The following NTRK2 variants were observed in gnomAD, a reference collection of about 807,000 sequenced individuals.
NTRK2 encodes BDNF/NT-3 growth factors receptor.
Under a neutral mutation model 94.5 loss-of-function variants are expected in NTRK2, and 13 were observed. That is an observed-to-expected ratio of 0.14 (90% confidence interval 0.09 to 0.22). The LOEUF (loss-of-function observed/expected upper bound fraction) is 0.22. Among genes scored for constraint, NTRK2 ranks in the 10% least tolerant of loss-of-function variants. The pLI is 1.00. For missense variants in NTRK2, 639 were observed against 1,071.2 expected (o/e 0.60, Z 5.63); for synonymous variants, 372 against 407.4 (o/e 0.91, Z 1.05).
intron 14 of NTRK2, among the ~76,000 whole-genome samples, chr9:84,888,672 C>T (rs1220810909): frequency 2.8e-5 from 4 of 141,004 alleles, no homozygotes; most frequent in Non-Finnish European, 6.0e-5. Flanking sequence ...AGACTCAAAC[C>T]CAGGTTCCCT....
At chr9:84,773,880 C>T (rs557127101) in intron 12 of NTRK2, among the ~76,000 whole-genome samples, 5 of 152,136 alleles carry the variant, frequency 3.3e-5, no homozygotes, top group Non-Finnish European at 7.3e-5. Flanking sequence ...AATCTCTCAA[C>T]TCCTCAACAT....
At chr9:84,924,287 GAAAGA>G (rs1564468927) in intron 14 of NTRK2, among the ~76,000 whole-genome samples, 1 of 144,944 alleles carries the variant, frequency 6.9e-6, no homozygotes, top group East Asian at 2.0e-4. Flanking sequence ...AAGAAAGAAA[GAAAGA>G]AAGAGGAAAA....
At chr9:84,977,637 A>G (rs1827058206) in intron 17 of NTRK2, among the ~76,000 whole-genome samples, 1 of 152,248 alleles carries the variant, frequency 6.6e-6, no homozygotes, top group African/African-American at 2.4e-5. Flanking sequence ...GTGGATAATG[A>G]GAATCAACTG....
rs115055453 is a variant in NTRK2 at position 84,778,904 on chromosome 9, A to G, written c.1396+26819A>G. Among the ~76,000 whole-genome samples the G allele has an allele frequency of 8.8e-3, 1,333 of 152,280 alleles. 20 individuals carry two copies. Among genetic ancestry groups the G allele is most frequent in the African/African-American group, 0.03 (1,266 of 41,566 alleles). ...CTCTCCCTCCTCAATGTTGAGGGATATGTGGAGAGAGCAAACTTGCTGCAC... is the reference window on the plus strand; with the variant it reads ...CTCTCCCTCCTCAATGTTGAGGGATGTGTGGAGAGAGCAAACTTGCTGCAC... On this transcript the variant is annotated intron_variant, in intron 12 of 18. Transcript: ENST00000277120.
At chr9:84,681,653 A>G (rs570368680) in intron 2 of NTRK2, among the ~76,000 whole-genome samples, 1 of 152,120 alleles carries the variant, frequency 6.6e-6, no homozygotes, top group South Asian at 2.1e-4. Context: ...AAATGCTGCA[A>G]TCGCTTCCTA....
intron 12 of NTRK2, among the ~76,000 whole-genome samples, chr9:84,799,465 C>A (rs932797832): frequency 1.3e-5 from 2 of 152,120 alleles, no homozygotes; most frequent in African/African-American, 4.8e-5. Context: ...ATGGTTATTT[C>A]AGCTCTAGGT....
At chr9:84,758,718 G>T (rs2065290118) in intron 12 of NTRK2, among the ~76,000 whole-genome samples, 1 of 152,080 alleles carries the variant, frequency 6.6e-6, no homozygotes, top group South Asian at 2.1e-4. Context: ...TTAAACTTTG[G>T]TATGAAGTAG....
At chr9:84,996,055 A>G (rs1476477194) in intron 17 of NTRK2, among the ~76,000 whole-genome samples, 1 of 152,250 alleles carries the variant, frequency 6.6e-6, no homozygotes, top group African/African-American at 2.4e-5. Context: ...GACTTAACAA[A>G]GAGCACTTTT....
rs370333970 is a variant in NTRK2 at position 84,725,880 on chromosome 9, T to C, written c.853+1524T>C. ...CAGAGTGAGGGACATAGTCACAACA[T>C]ACATGTGCAGAGTTCAGCTGCACAG... On this transcript the variant is annotated intron_variant, in intron 8 of 18. Coordinates refer to ENST00000277120, the MANE Select transcript of NTRK2 (RefSeq NM_006180.6). Among the ~76,000 whole-genome samples, 180 of 152,242 alleles carry C rather than the reference T, an allele frequency of 1.2e-3. 4 individuals are homozygous for C. Among genetic ancestry groups the C allele is most frequent in the Middle Eastern group, 6.8e-3 (2 of 294 alleles).
chr9:84,967,638 G>T (rs150690165), intron 17 of NTRK2, among the ~76,000 whole-genome samples: 166 of 152,346 alleles, frequency 1.1e-3, no homozygotes, highest in African/African-American at 3.2e-3. Flanking sequence ...CTCCTTTGAC[G>T]GCGGAGCCCA....
At position 84,955,518 on chromosome 9, in the gene NTRK2, G is replaced by A. The variant is rs2132980018; in HGVS notation, c.2172+1G>A. The A allele has an allele frequency of 6.2e-7, 1 of 1,611,688 alleles. No homozygotes were observed. The highest frequency in any genetic ancestry group is 2.2e-5 in the East Asian group (1 of 44,856). ...CGTGTACAGCACTGACTACTACAGGGTGAGTAGCTGTGCAGATCAGAGACC... is the reference window on the plus strand; with the variant it reads ...CGTGTACAGCACTGACTACTACAGGATGAGTAGCTGTGCAGATCAGAGACC... On this transcript the variant is annotated splice_donor_variant, in intron 17 of 18. Coordinates refer to ENST00000277120, the MANE Select transcript of NTRK2 (RefSeq NM_006180.6). LOFTEE classifies it high-confidence loss of function.
chr9:84,890,066 T>C (rs75039012), intron 14 of NTRK2, among the ~76,000 whole-genome samples: 1 of 152,222 alleles, frequency 6.6e-6, no homozygotes, highest in East Asian at 1.9e-4. Flanking sequence ...TGAGGATAAG[T>C]ATGCCCAACT....
In NTRK2 at chr9:84,804,541, G is replaced by C. The variant is rs188722811; in HGVS notation, c.1396+52456G>C. The stretch of plus-strand genomic sequence containing the variant: ...TTCTTGCAGATTTTATATAGTTATA[G>C]GTTGAATTGGGTAATGGATTTATAT... On this transcript the variant is annotated intron_variant, in intron 12 of 18. Transcript: ENST00000277120. Among the ~76,000 whole-genome samples the C allele has an allele frequency of 4.5e-3, 686 of 152,320 alleles. 3 individuals are homozygous for C. Among genetic ancestry groups the C allele is most frequent in the Non-Finnish European group, 7.3e-3 (499 of 68,034 alleles).
chr9:84,815,888 C>A (rs2072345267), intron 12 of NTRK2, among the ~76,000 whole-genome samples: 1 of 151,696 alleles, frequency 6.6e-6, no homozygotes, highest in Non-Finnish European at 1.5e-5. Flanking sequence ...ATAAATTATC[C>A]CCCCAAAAAG....
Position 84,955,276 on chromosome 9 carries a change from TC to T in NTRK2, c.1938-3del. On this transcript the variant is annotated splice_region_variant and splice_polypyrimidine_tract_variant and intron_variant, in intron 16 of 18. Transcript: ENST00000277120. ...CCCCCAGCTTCATTCTCCATGTCCT[TC>T]CCCAGGGCACACGGCCCTGATGCCG... is the stretch of plus-strand genomic sequence containing the variant. 1 of 1,591,206 alleles carries T rather than the reference TC, an allele frequency of 6.3e-7. No homozygotes were observed. Among genetic ancestry groups the T allele is most frequent in the Non-Finnish European group, 8.6e-7 (1 of 1,168,408 alleles).
intron 17 of NTRK2, among the ~76,000 whole-genome samples, chr9:84,986,298 A>G (rs1346341089): frequency 2.6e-5 from 4 of 152,048 alleles, no homozygotes; most frequent in Non-Finnish European, 5.9e-5. Flanking sequence ...GTGGAAAACA[A>G]TTTTTCCATG....
chr9:84,681,897 C>G (rs2059414712), intron 2 of NTRK2, among the ~76,000 whole-genome samples: 1 of 152,144 alleles, frequency 6.6e-6, no homozygotes, highest in Admixed American at 6.5e-5. Context: ...TTACATGGAC[C>G]AGAATGCACA....
rs924535393 is a variant in NTRK2 at position 84,854,080 on chromosome 9, AAAAAG to A, written c.1397-6945_1397-6941del. Among the ~76,000 whole-genome samples, 45 of 152,048 alleles carry A rather than the reference AAAAAG, an allele frequency of 3.0e-4. No homozygotes were observed. The South Asian group carries it at 5.0e-3, about 17-fold the overall frequency. On this transcript the variant is annotated intron_variant, in intron 12 of 18. Coordinates refer to ENST00000277120, the MANE Select transcript of NTRK2 (RefSeq NM_006180.6). ...GAGTGAGACTCTGTCTCAAAAAAAA[AAAAAG>A]AAAAGAAAAGAAAAAAGAAAAAAAA...
chr9:84,720,322 A>C (rs1201327859), intron 6 of NTRK2, among the ~76,000 whole-genome samples: 4 of 152,212 alleles, frequency 2.6e-5, no homozygotes, highest in Admixed American at 6.5e-5. Flanking sequence ...GGATAAAACA[A>C]AGGTTCTGAG....
Sources: gnomAD v4.1 joint callset for allele counts (sites outside exome capture counted in the v4.1 genomes callset) on GRCh38, gnomAD v4.1.1 for gene constraint, MANE v1.5 for transcripts, NCBI Gene and HGNC (gene_info 2026-07-23, HGNC 2026-07-21) for gene names.